DST: variants seen among roughly 807,000 people sequenced by gnomAD.
DST encodes the protein dystonin.
DST carries 253 observed loss-of-function variants against 875.2 expected under a neutral mutation model. The ratio of observed to expected loss-of-function variants is 0.29; its 90% CI spans 0.26 to 0.32. The LOEUF (loss-of-function observed/expected upper bound fraction) is 0.32. DST is among the 10% of genes least tolerant of loss of function. DST has a pLI of 1.00. For missense variants in DST, 8,287 were observed against 9,111.6 expected, an observed-to-expected ratio of 0.91 and a Z score of 3.68; for synonymous variants, 3,124 against 3,197.1, an observed-to-expected ratio of 0.98 and a Z score of 0.77.
Position 56,463,127 on chromosome 6 carries a change from A to C in DST, c.22989T>G (p.Gly7663=). Residue 7663 remains glycine, a synonymous_variant, in exon 102 of 104, where the codon GGT becomes GGG. Transcript: ENST00000680361. ...KILHPLTRNY[G]KPWLTNSKMS... ...TTTTGCTGTTTGTCAACCATGGTTT[A>C]CCATAATTGCGTGTTAAAGGATGGA... 6.2e-7 allele frequency: 1 copy of C among 1,613,226 alleles called. No homozygotes were observed. Among genetic ancestry groups the C allele is most frequent in the Non-Finnish European group, 8.5e-7 (1 of 1,179,256 alleles).
At chr6:56,523,734 A>AT (rs1422371798) in intron 69 of DST, among the ~76,000 whole-genome samples, 1 of 152,284 alleles carries the variant, frequency 6.6e-6, no homozygotes, top group Admixed American at 6.5e-5. Flanking sequence ...ACTCTCCCTG[A>AT]TTTAACTGGG....
At position 56,677,359 on chromosome 6, in the gene DST, T is replaced by C. The variant is rs185228700; in HGVS notation, c.1048-6552A>G. Among the ~76,000 whole-genome samples, 108 of 147,700 alleles carry C rather than the reference T, an allele frequency of 7.3e-4. 2 individuals are homozygous for C. In the East Asian group the frequency reaches 0.02, roughly 28 times the overall value. Reference sequence around the variant, plus strand: ...CTGAGATGGGGTCTCACTCTGTTGCTAGGCTGAAGTGCAGTGGCAAGATCA... The same window carrying C: ...CTGAGATGGGGTCTCACTCTGTTGCCAGGCTGAAGTGCAGTGGCAAGATCA... On this transcript the variant is annotated intron_variant, in intron 9 of 103. Transcript: ENST00000680361.
At chr6:56,478,493 T>C (rs1376103187) in intron 90 of DST, among the ~76,000 whole-genome samples, 2 of 152,212 alleles carry the variant, frequency 1.3e-5, no homozygotes, top group African/African-American at 4.8e-5. Flanking sequence ...TCAAGGATGA[T>C]CTTTCAAATA....
chr6:56,603,170 C>T (rs1188983793), intron 42 of DST, 35 bp downstream of exon 42: 2 of 1,559,630 alleles, frequency 1.3e-6, no homozygotes, highest in African/African-American at 1.4e-5. Context: ...ATAAAATTTT[C>T]TTCATAAATC....
At chr6:56,491,733 C>G (rs920106671) in intron 85 of DST, among the ~76,000 whole-genome samples, 1 of 151,998 alleles carries the variant, frequency 6.6e-6, no homozygotes, top group African/African-American at 2.4e-5. Flanking sequence ...TGGGGAGTGC[C>G]GACCAACTCA....
At chr6:56,849,529 T>C (rs1763926883) in intron 4 of DST, among the ~76,000 whole-genome samples, 1 of 152,152 alleles carries the variant, frequency 6.6e-6, no homozygotes, top group Non-Finnish European at 1.5e-5. Flanking sequence ...CATTTTACAA[T>C]TAACAAGCGA....
chr6:56,785,642 C>T (rs149881277), intron 4 of DST: 1 of 152,596 alleles, frequency 6.6e-6, no homozygotes, highest in Non-Finnish European at 1.5e-5. Context: ...GGAAAGGGAA[C>T]TAACTCCCCG....
chr6:56,782,450 G>A (rs2099696050), intron 4 of DST, among the ~76,000 whole-genome samples: 1 of 148,880 alleles, frequency 6.7e-6, no homozygotes, highest in Admixed American at 6.6e-5. Context: ...GTTTAGTCTT[G>A]GGAGAGTGCA....
At chr6:56,779,451 T>TCCTTGC (rs2099687220) in intron 4 of DST, among the ~76,000 whole-genome samples, 1 of 152,218 alleles carries the variant, frequency 6.6e-6, no homozygotes, top group South Asian at 2.1e-4. Context: ...AGACATGAAG[T>TCCTTGC]CCTTGCCCAT....
At chr6:56,942,408 T>C (rs1250235325) in intron 2 of DST, among the ~76,000 whole-genome samples, 2 of 152,162 alleles carry the variant, frequency 1.3e-5, no homozygotes, top group East Asian at 3.8e-4. Flanking sequence ...GTTCCCTTTT[T>C]CTTGCCTTCT....
intron 5 of DST, among the ~76,000 whole-genome samples, chr6:56,720,522 C>T (rs2099410986): frequency 6.6e-6 from 1 of 151,902 alleles, no homozygotes; most frequent in African/African-American, 2.4e-5. Context: ...TGTTTGTGTC[C>T]CTGGGTACTT....
intron 102 of DST, chr6:56,460,458 G>T (rs1295529068): frequency 4.0e-6 from 2 of 497,130 alleles, no homozygotes; most frequent in African/African-American, 3.9e-5. Flanking sequence ...AGAATTCAAA[G>T]AAACTTTCTA....
chr6:56,906,515 G>A (rs992423566), intron 2 of DST, among the ~76,000 whole-genome samples: 31 of 152,210 alleles, frequency 2.0e-4, no homozygotes, highest in African/African-American at 7.2e-4. Flanking sequence ...CTGGCCAAGG[G>A]AAGAGTCATT....
chr6:56,868,871 G>A (rs1775603832), intron 3 of DST, among the ~76,000 whole-genome samples: 1 of 152,134 alleles, frequency 6.6e-6, no homozygotes, highest in African/African-American at 2.4e-5. Context: ...AGTCACTACA[G>A]CACTTCTCAA....
In DST at chr6:56,755,798, C is replaced by T. The variant is rs559438467; in HGVS notation, c.626-20509G>A. Reference sequence around the variant, plus strand: ...AGATTATAGAAATTCTATAAAAAGACAGGAATAACCATTTCTGGTTTATAA... The same window carrying T: ...AGATTATAGAAATTCTATAAAAAGATAGGAATAACCATTTCTGGTTTATAA... On this transcript the variant is annotated intron_variant, in intron 4 of 103. Transcript: ENST00000680361. Among the ~76,000 whole-genome samples the T allele has an allele frequency of 7.2e-5, 11 of 152,270 alleles. No individual in the cohort carries two copies. In the South Asian group the frequency reaches 2.3e-3, roughly 32 times the overall value.
Position 56,605,470 on chromosome 6 carries a change from A to C in DST, c.9158T>G (p.Met3053Arg). 2 of 1,612,880 alleles carry C rather than the reference A, an allele frequency of 1.2e-6. No individual in the cohort carries two copies. The highest frequency in any genetic ancestry group is 1.7e-6 in the Non-Finnish European group (2 of 1,179,308). Residue 3053 changes from methionine (M) to arginine (R), a missense_variant, in exon 40 of 104, where the codon ATG becomes AGG. Coordinates refer to ENST00000680361, the MANE Select transcript of DST (RefSeq NM_001374736.1). ...AAGCACTTCTCCTTCACCCAAGTAC[A>C]TTTTCTGAATTGATGTTTCATCTTC... The part of the protein sequence containing the change: ...LIEDETSIQK[M>R]YLGEGEVLVE...
intron 61 of DST, among the ~76,000 whole-genome samples, chr6:56,547,112 A>T (rs185682270): frequency 6.6e-6 from 1 of 152,218 alleles, no homozygotes; most frequent in African/African-American, 2.4e-5. Flanking sequence ...AAAAGAGAAC[A>T]TGTTGCAAAG....
Position 56,472,050 on chromosome 6 carries a change from T to C in DST, c.22158+9A>G. On this transcript the variant is annotated intron_variant, in intron 94 of 103. Coordinates refer to ENST00000680361, the MANE Select transcript of DST (RefSeq NM_001374736.1). ...GACAATGTGGTGTTGAGGGTATGAA[T>C]TTCCAAACCTCCTCTAGTCTGTCCA... The C allele has an allele frequency of 6.2e-7, 1 of 1,613,784 alleles. No individual in the cohort carries two copies. Among genetic ancestry groups the C allele is most frequent in the Non-Finnish European group, 8.5e-7 (1 of 1,179,684 alleles).
At chr6:56,933,176 C>T (rs1202197995) in intron 2 of DST, among the ~76,000 whole-genome samples, 1 of 152,078 alleles carries the variant, frequency 6.6e-6, no homozygotes, top group Non-Finnish European at 1.5e-5. Context: ...ATCTTTTCTG[C>T]TGACCCAGAT....
Sources: gnomAD v4.1 joint callset for allele counts (sites outside exome capture counted in the v4.1 genomes callset) on GRCh38, gnomAD v4.1.1 for gene constraint, MANE v1.5 for transcripts, NCBI Gene and HGNC (gene_info 2026-07-23, HGNC 2026-07-21) for gene names.